MMEL1: variants seen among roughly 807,000 people sequenced by gnomAD.
The protein encoded by MMEL1 is membrane metalloendopeptidase like 1.
Under a neutral mutation model 117.1 loss-of-function variants are expected in MMEL1, and 98 were observed. The ratio of observed to expected loss-of-function variants is 0.84; its 90% CI spans 0.71 to 0.99. MMEL1 has a LOEUF of 0.99. Ranked by LOEUF, MMEL1 falls within the 50% of genes least tolerant of loss-of-function variation. MMEL1 has a pLI of 0.00. For synonymous variants in MMEL1, 390 were observed against 415.1 expected (o/e 0.94, Z 0.74); for missense variants, 1,014 against 1,049.1 (o/e 0.97, Z 0.46).
At chr1:2,617,559 C>G (rs1557551649) in intron 2 of MMEL1, among the ~76,000 whole-genome samples, 1 of 152,022 alleles carries the variant, frequency 6.6e-6, no homozygotes, top group Non-Finnish European at 1.5e-5. Context: ...GAGATTGCGC[C>G]ACTGCACTCC....
intron 9 of MMEL1, 115 bp from the exon 10 acceptor site, chr1:2,604,396 A>G: frequency 7.2e-7 from 1 of 1,381,498 alleles, no homozygotes. Flanking sequence ...ATGCGTGTCC[A>G]CCCACCTTGA....
At chr1:2,632,831 A>G in intron 1 of MMEL1, 35 bp downstream of exon 1, 2 of 984,546 alleles carry the variant, frequency 2.0e-6, no homozygotes, top group Non-Finnish European at 2.4e-6. Flanking sequence ...AGGCCCAGGA[A>G]AGCAGGCCGG....
In MMEL1 at chr1:2,594,480, C is replaced by A. The variant is rs537876500; in HGVS notation, c.1689-37G>T. 18 of 1,550,858 alleles carry A rather than the reference C, an allele frequency of 1.2e-5. No individual in the cohort carries two copies. The African/African-American group carries it at 2.5e-4, about 21-fold the overall frequency. On this transcript the variant is annotated intron_variant, in intron 17 of 23. Coordinates refer to ENST00000378412, the MANE Select transcript of MMEL1 (RefSeq NM_033467.4). ...AAGCCGGTCTCTGGGAGCCGCCTCT[C>A]CGGGGACCCTCCCTCTGGGCTCTCT...
chr1:2,611,932 C>T (rs1224494959), intron 3 of MMEL1, among the ~76,000 whole-genome samples, 195 bp downstream of exon 3: 1 of 152,174 alleles, frequency 6.6e-6, no homozygotes, highest in African/African-American at 2.4e-5. Context: ...GGAGTGTCCA[C>T]AGTGCCCAGT....
In MMEL1 at chr1:2,595,374, GGGACT is replaced by G; in HGVS notation, c.1501-20_1501-16del. 6.2e-7 allele frequency: 1 copy of G among 1,612,956 alleles called. No individual in the cohort carries two copies. The highest frequency in any genetic ancestry group is 2.2e-5 in the East Asian group (1 of 44,856). ...ATGCTCATGGCCTGAGTGGGGAGGA[GGGACT>G]GGTCAGTGGGTGCCCCACTGCGGAT... On this transcript the variant is annotated splice_polypyrimidine_tract_variant and intron_variant, in intron 15 of 23. Coordinates refer to ENST00000378412, the MANE Select transcript of MMEL1 (RefSeq NM_033467.4). The surrounding 1 kb of genome is among the most constrained non-coding windows in gnomAD (Gnocchi z 4.8).
rs771001611 is a variant in MMEL1, at chr1:2,596,688, G to T, written c.1274C>A (p.Ala425Glu). 6.2e-7 allele frequency: 1 copy of T among 1,612,070 alleles called. No individual in the cohort carries two copies. The highest frequency in any genetic ancestry group is 8.5e-7 in the Non-Finnish European group (1 of 1,179,690). Residue 425 changes from alanine to glutamate, a missense_variant and splice_region_variant, in exon 14 of 24, where the codon GCG (alanine) becomes GAG (glutamate). Coordinates refer to ENST00000378412, the MANE Select transcript of MMEL1 (RefSeq NM_033467.4). ...CTCCTCCACCATTGTGCCAAACAGCGCCTGGTGGGGCCACCCGATCATCCC... is the reference window on the plus strand; with the variant it reads ...CTCCTCCACCATTGTGCCAAACAGCTCCTGGTGGGGCCACCCGATCATCCC... ...FKDTRVNYRK[A>E]LFGTMVEEVR...
intron 23 of MMEL1, 199 bp from the exon 24 acceptor site, chr1:2,591,288 C>G: frequency 1.7e-6 from 1 of 596,296 alleles, no homozygotes; most frequent in Non-Finnish European, 3.0e-6. Flanking sequence ...CCCCTCCAGC[C>G]AGAGATATTC....
In MMEL1 at chr1:2,597,757, A is replaced by T. The variant is rs1234898117; in HGVS notation, c.1272+450T>A. 5.3e-5 allele frequency among the ~76,000 whole-genome samples: 8 copies of T among 152,180 alleles called. 1 individual carries two copies. Among genetic ancestry groups the T allele is most frequent in the Non-Finnish European group, 1.0e-4 (7 of 68,026 alleles). ...GCACCCCTGCGGCTTTCAGACAGGGAGTACAATCCAAACCGGCTGCTGTGG... is the reference window on the plus strand; with the variant it reads ...GCACCCCTGCGGCTTTCAGACAGGGTGTACAATCCAAACCGGCTGCTGTGG... On this transcript the variant is annotated intron_variant, in intron 13 of 23. Transcript: ENST00000378412.
At chr1:2,603,653 ACT>A (rs35090174) in intron 11 of MMEL1, among the ~76,000 whole-genome samples, 60,396 of 151,948 alleles carry the variant, frequency 0.4, 12,654 homozygotes, top group African/African-American at 0.51. Flanking sequence ...CAGATGGGTG[ACT>A]CTGTTCCAGG....
intron 11 of MMEL1, among the ~76,000 whole-genome samples, chr1:2,602,164 C>G (rs924720167): frequency 2.1e-5 from 3 of 145,410 alleles, no homozygotes; most frequent in African/African-American, 7.8e-5. Context: ...CGTCAGGGAC[C>G]GGCCTCCCTC....
chr1:2,599,350 GA>G (rs1644895244), intron 11 of MMEL1, among the ~76,000 whole-genome samples: 1 of 152,184 alleles, frequency 6.6e-6, no homozygotes, highest in South Asian at 2.1e-4. Context: ...TTAGCAAATA[GA>G]ACCTAGCCAT....
At chr1:2,593,979 C>T (rs377005474) in intron 18 of MMEL1, 46 bp from the exon 19 acceptor site, 4 of 1,541,608 alleles carry the variant, frequency 2.6e-6, no homozygotes, top group Middle Eastern at 3.5e-4. Context: ...GTGGACACAT[C>T]TCCTGTGTGC....
chr1:2,608,195 G>T (rs558622698), intron 6 of MMEL1, among the ~76,000 whole-genome samples: 1 of 152,168 alleles, frequency 6.6e-6, no homozygotes, highest in East Asian at 1.9e-4. Context: ...TAAAGCCAGG[G>T]TCCCAGCGAG....
At chr1:2,621,572 A>ATTTT (rs76715186) in intron 2 of MMEL1, among the ~76,000 whole-genome samples, 1 of 145,850 alleles carries the variant, frequency 6.9e-6, no homozygotes, top group Non-Finnish European at 1.5e-5. Context: ...ACCAATGCAC[A>ATTTT]TTTTTTTTTT....
chr1:2,603,639 C>T (rs1356541677), intron 11 of MMEL1, among the ~76,000 whole-genome samples: 1 of 128,924 alleles, frequency 7.8e-6, no homozygotes, highest in African/African-American at 3.2e-5. Context: ...ATCACAGCAC[C>T]GCACAGATGG....
chr1:2,592,893 C>T lies in MMEL1; in HGVS notation c.1941G>A (p.Gln647=). ...SNFSTQHFRE[Q]SECMIYQYGN... The stretch of plus-strand genomic sequence containing the variant: ...CGTACTGGTAGATCATGCACTCTGA[C>T]TGCTCCCGGAAGTGCTGGGTGGAGA... The change falls in exon 20 of 24, where the codon CAG becomes CAA. Residue 647 remains glutamine (Q), a synonymous_variant. Coordinates refer to ENST00000378412, the MANE Select transcript of MMEL1 (RefSeq NM_033467.4). The T allele has an allele frequency of 1.2e-6, 2 of 1,613,850 alleles. No homozygotes were observed. Among genetic ancestry groups the T allele is most frequent in the Non-Finnish European group, 1.7e-6 (2 of 1,179,966 alleles).
chr1:2,620,103 T>C (rs1431056662), intron 2 of MMEL1, among the ~76,000 whole-genome samples: 1 of 152,166 alleles, frequency 6.6e-6, no homozygotes, highest in Non-Finnish European at 1.5e-5. Flanking sequence ...TAAATACAAA[T>C]AATTTCACAG....
chr1:2,625,752 C>T (rs7523364), intron 2 of MMEL1, among the ~76,000 whole-genome samples: 91,164 of 151,994 alleles, frequency 0.6, 28,123 homozygotes, highest in Non-Finnish European at 0.68. Flanking sequence ...TCATGCACAG[C>T]GGCATTCCAT....
chr1:2,613,703 C>T (rs145094281), intron 2 of MMEL1, among the ~76,000 whole-genome samples: 9 of 151,872 alleles, frequency 5.9e-5, no homozygotes, highest in Non-Finnish European at 1.0e-4. Flanking sequence ...CTGGCAAGGA[C>T]GTTCAAGCAT....
Sources: allele counts gnomAD v4.1 joint callset (sites outside exome capture counted in the v4.1 genomes callset), GRCh38; gene constraint gnomAD v4.1.1; non-coding constraint Gnocchi (gnomAD v3.1); transcripts MANE v1.5; gene names NCBI Gene and HGNC (gene_info 2026-07-23, HGNC 2026-07-21).